PRH1: variants seen among roughly 807,000 people sequenced by gnomAD.
PRH1 encodes proline rich protein HaeIII subfamily 1.
A neutral mutation model predicts 7.9 loss-of-function variants in PRH1; 7 were observed. The ratio of observed to expected loss-of-function variants is 0.89; its 90% CI spans 0.50 to 1.67. The LOEUF (loss-of-function observed/expected upper bound fraction) is 1.67, where lower values mean the gene tolerates loss of function less well. Among genes scored for constraint, PRH1 ranks in the 40% most tolerant of loss-of-function variants. The pLI is 0.00. For missense variants in PRH1, 109 were observed against 223.6 expected (o/e 0.49, Z 3.27); for synonymous variants, 45 against 80.8 (o/e 0.56, Z 2.38).
rs139253542 is a variant in PRH1 at position 10,922,825 on chromosome 12, C to CTTTTTTTTTTTTTTTTTT, written c.-58-38551_-58-38550insAAAAAAAAAAAAAAAAAA. Among the ~76,000 whole-genome samples, 12 of 113,574 alleles carry CTTTTTTTTTTTTTTTTTT rather than the reference C, an allele frequency of 1.1e-4. 3 individuals carry two copies. The highest frequency in any genetic ancestry group is 2.3e-4 in the Admixed American group (2 of 8,724). The allele number at this position is 113,574 out of a possible 152,430, so 74.5% of individuals were successfully genotyped here. A position where few individuals can be genotyped will look rare whatever the true frequency, so the allele number is the denominator to read the frequency against. ...ATTGCATCTTTTCCATGAATTTTTT[C>CTTTTTTTTTTTTTTTTTT]TTTTTCTTTTTTTTGAGACGGAGTC... On this transcript the variant is annotated intron_variant, in intron 2 of 3. Coordinates refer to the PRH1 transcript ENST00000539853.
rs1328195766 is a variant in PRH1, at chr12:11,097,712, C to G, written n.124-50524G>C. ...GTATTTAAATATTTCAAAAACAAATCATTTCATGAGATAGATGAAGATATA... is the reference window on the plus strand; with the variant it reads ...GTATTTAAATATTTCAAAAACAAATGATTTCATGAGATAGATGAAGATATA... On this transcript the variant is annotated intron_variant and non_coding_transcript_variant, in intron 1 of 4. Transcript: ENST00000541977. Among the ~76,000 whole-genome samples the G allele has an allele frequency of 1.8e-5, 2 of 114,148 alleles. 1 individual carries two copies. The highest frequency in any genetic ancestry group is 4.1e-5 in the Non-Finnish European group (2 of 48,218). 74.9% of individuals were successfully genotyped at this position (114,148 alleles called of 152,430 possible). A position where few individuals can be genotyped will look rare whatever the true frequency, so the allele number is the denominator to read the frequency against.
In PRH1 at chr12:11,089,168, T is replaced by C. The variant is rs529823446; in HGVS notation, n.124-41980A>G. Among the ~76,000 whole-genome samples, 13 of 115,682 alleles carry C rather than the reference T, an allele frequency of 1.1e-4. 3 individuals carry two copies. Among genetic ancestry groups the C allele is most frequent in the Non-Finnish European group, 2.0e-4 (10 of 48,862 alleles). 75.9% of individuals were successfully genotyped at this position (115,682 alleles called of 152,430 possible). ...TGTCCTATTCCCCTGGCTAGTACCTTGCCCGATCCAGGTCATCATTCCATT... is the reference window on the plus strand; with the variant it reads ...TGTCCTATTCCCCTGGCTAGTACCTCGCCCGATCCAGGTCATCATTCCATT... On this transcript the variant is annotated intron_variant and non_coding_transcript_variant, in intron 1 of 4. Transcript: ENST00000541977.
chr12:11,134,243 A>G (rs1411930429), intron 1 of PRH1: 1 of 1,605,042 alleles, frequency 6.2e-7, no homozygotes, highest in South Asian at 1.1e-5. Flanking sequence ...AAAAGTTATC[A>G]TGTCTGAACA....
intron 1 of PRH1, among the ~76,000 whole-genome samples, chr12:11,007,860 A>T (rs10772415): frequency 0.3 from 46,279 of 151,958 alleles, 8,907 homozygotes; most frequent in East Asian, 0.74. Context: ...GCCCATCTCA[A>T]ATTACCAGAG....
intron 2 of PRH1, among the ~76,000 whole-genome samples, chr12:10,916,444 A>C (rs1949973713): frequency 6.6e-6 from 1 of 152,172 alleles, no homozygotes; most frequent in Admixed American, 6.5e-5. Context: ...TTCTAAAATT[A>C]CATCTTTTTT....
chr12:10,988,629 A>G (rs946286242), intron 1 of PRH1, among the ~76,000 whole-genome samples: 6 of 152,090 alleles, frequency 3.9e-5, no homozygotes, highest in Non-Finnish European at 7.3e-5. Flanking sequence ...GAAATGGGTG[A>G]AAACTAAGAT....
chr12:11,008,150 C>T (rs1940910304), intron 1 of PRH1, among the ~76,000 whole-genome samples: 1 of 151,820 alleles, frequency 6.6e-6, no homozygotes, highest in African/African-American at 2.4e-5. Flanking sequence ...ACGGGGTTGG[C>T]AGGTGACATG....
intron 2 of PRH1, among the ~76,000 whole-genome samples, chr12:10,906,740 A>G (rs567287157): frequency 1.1e-4 from 17 of 152,280 alleles, no homozygotes; most frequent in South Asian, 4.2e-4. Flanking sequence ...CTCTGCCATT[A>G]TTGTGAGGCC....
At chr12:10,997,335 T>A in intron 1 of PRH1, 2 of 1,614,120 alleles carry the variant, frequency 1.2e-6, no homozygotes, top group Non-Finnish European at 1.7e-6. Flanking sequence ...TTTGCTAGCA[T>A]GGCTACAGTC....
At chr12:10,951,849 C>G (rs1360047265) in intron 2 of PRH1, among the ~76,000 whole-genome samples, 1 of 152,062 alleles carries the variant, frequency 6.6e-6, no homozygotes, top group African/African-American at 2.4e-5. Flanking sequence ...TTAAGATTAA[C>G]AGATGTTAAA....
chr12:11,052,087 C>A (rs1943170266), upstream of PRH1, among the ~76,000 whole-genome samples: 1 of 152,402 alleles, frequency 6.6e-6, no homozygotes, highest in South Asian at 2.1e-4. Context: ...TTATTCCTGT[C>A]ACCTTTATCT....
intron 1 of PRH1, among the ~76,000 whole-genome samples, chr12:11,115,763 A>G (rs1006232252): frequency 6.6e-6 from 1 of 152,166 alleles, no homozygotes; most frequent in Non-Finnish European, 1.5e-5. Flanking sequence ...CTATACAGAC[A>G]CATGGAAATG....
Position 11,044,773 on chromosome 12 carries a change from C to T in PRH1, c.-126+2247G>A, listed in dbSNP as rs1483240413. The stretch of plus-strand genomic sequence containing the variant: ...AATGAGATAGATATCATCTCAACCC[C>T]GTTAAAACAGCTTATATCCAAAAGG... On this transcript the variant is annotated intron_variant, in intron 1 of 3. Coordinates refer to the PRH1 transcript ENST00000539853. 5.9e-5 allele frequency among the ~76,000 whole-genome samples: 9 copies of T among 152,148 alleles called. No homozygotes were observed. In the East Asian group the frequency reaches 1.2e-3, roughly 20 times the overall value.
At chr12:10,960,047 T>A (rs1938162474) in intron 2 of PRH1, among the ~76,000 whole-genome samples, 1 of 152,186 alleles carries the variant, frequency 6.6e-6, no homozygotes, top group South Asian at 2.1e-4. Context: ...CAACACGCAC[T>A]CACTGGTGAT....
rs1335764610 is a variant in PRH1 at position 10,926,273 on chromosome 12, T to C, written c.-58-41998A>G. 4.6e-5 allele frequency among the ~76,000 whole-genome samples: 7 copies of C among 152,318 alleles called. No homozygotes were observed. The South Asian group carries it at 8.3e-4, about 18-fold the overall frequency. On this transcript the variant is annotated intron_variant, in intron 2 of 3. Coordinates refer to the PRH1 transcript ENST00000539853. ...GTACATAAACTGCCAGACAAGCAAC[T>C]CAATGCAATTCACTCACTCTCGGAG... is the stretch of plus-strand genomic sequence containing the variant.
At chr12:10,940,731 A>G (rs564444122) in intron 2 of PRH1, among the ~76,000 whole-genome samples, 1 of 152,294 alleles carries the variant, frequency 6.6e-6, no homozygotes, top group African/African-American at 2.4e-5. Context: ...AATAGCTAAA[A>G]AAGTAAGTAA....
intron 1 of PRH1, chr12:10,997,873 C>T: frequency 6.4e-7 from 1 of 1,568,840 alleles, no homozygotes; most frequent in Non-Finnish European, 8.6e-7. Context: ...GAAAACTCAT[C>T]ATGTCTAAAC....
chr12:11,153,671 C>G (rs1270484403), intron 1 of PRH1, among the ~76,000 whole-genome samples: 1 of 152,124 alleles, frequency 6.6e-6, no homozygotes. Context: ...ATATATATCC[C>G]TGCCTCCTCT....
chr12:11,044,626 A>G (rs1206598991), intron 1 of PRH1, among the ~76,000 whole-genome samples: 1 of 152,172 alleles, frequency 6.6e-6, no homozygotes, highest in Non-Finnish European at 1.5e-5. Context: ...TGATCAAACA[A>G]TGGGTGAAAG....
Sources: gnomAD v4.1 joint callset for allele counts (sites outside exome capture counted in the v4.1 genomes callset) on GRCh38, gnomAD v4.1.1 for gene constraint, MANE v1.5 for transcripts, NCBI Gene and HGNC (gene_info 2026-07-23, HGNC 2026-07-21) for gene names.